The following PRKCB variants were observed in gnomAD, a reference collection of about 807,000 sequenced individuals.
PRKCB encodes protein kinase C beta type.
In PRKCB, 13 loss-of-function variants were observed where a neutral mutation model predicts 81.5. The observed-to-expected ratio is 0.16, with a 90% CI of 0.10 to 0.25. The LOEUF (loss-of-function observed/expected upper bound fraction) is 0.25, where lower values mean the gene tolerates loss of function less well. PRKCB is among the 10% of genes least tolerant of loss of function. The probability of loss-of-function intolerance (pLI) is 1.00; values close to 1 mark genes in which losing one functional copy is unlikely to be tolerated. For missense variants in PRKCB, 509 were observed against 875.7 expected (o/e 0.58, Z 5.29); for synonymous variants, 335 against 321.4 (o/e 1.04, Z -0.45).
At chr16:24,169,178 A>G (rs1967399027) in intron 10 of PRKCB, among the ~76,000 whole-genome samples, 1 of 152,102 alleles carries the variant, frequency 6.6e-6, no homozygotes, top group South Asian at 2.1e-4. Context: ...CAGAGCTTTG[A>G]TTCCAACCTT....
intron 5 of PRKCB, among the ~76,000 whole-genome samples, chr16:24,064,140 AAGAT>A (rs1966005581): frequency 6.6e-6 from 1 of 152,164 alleles, no homozygotes; most frequent in Admixed American, 6.5e-5. Context: ...GAGGAGGAGA[AAGAT>A]AGAATGGGAA....
At chr16:23,880,296 A>G (rs943299800) in intron 2 of PRKCB, among the ~76,000 whole-genome samples, 3 of 152,146 alleles carry the variant, frequency 2.0e-5, no homozygotes, top group South Asian at 2.1e-4. Context: ...AGTGGGGAAA[A>G]TGAGCTTTGA....
intron 5 of PRKCB, among the ~76,000 whole-genome samples, chr16:24,062,382 C>T (rs753451762): frequency 6.6e-6 from 1 of 152,228 alleles, no homozygotes; most frequent in Non-Finnish European, 1.5e-5. Flanking sequence ...GAGGGCATTT[C>T]AATCCAAGCC....
chr16:24,139,244 C>T (rs1293019463), intron 9 of PRKCB, among the ~76,000 whole-genome samples: 5 of 152,036 alleles, frequency 3.3e-5, no homozygotes, highest in Non-Finnish European at 7.4e-5. Flanking sequence ...TCAAAAGAAC[C>T]GTTCAGTTAC....
chr16:23,836,360 C>A lies in PRKCB; in HGVS notation c.173+12C>A, dbSNP rs745464092. 6.9e-6 allele frequency: 11 copies of A among 1,595,556 alleles called. No homozygotes were observed. The highest frequency in any genetic ancestry group is 8.5e-6 in the Non-Finnish European group (10 of 1,172,210). On this transcript the variant is annotated intron_variant, in intron 1 of 16. Coordinates refer to ENST00000643927, the MANE Select transcript of PRKCB (RefSeq NM_002738.7). ...ACCGACTTCATCTGGTGAGCGCGCG[C>A]GCGCAGGGCACCTTCCCGGGCCCCC...
At chr16:24,051,431 T>C (rs1045356520) in intron 5 of PRKCB, among the ~76,000 whole-genome samples, 1 of 152,030 alleles carries the variant, frequency 6.6e-6, no homozygotes, top group African/African-American at 2.4e-5. Flanking sequence ...ATGAAGGAGT[T>C]GGTTGGAGGT....
chr16:23,969,456 A>G (rs1964529000), intron 2 of PRKCB, among the ~76,000 whole-genome samples: 1 of 152,178 alleles, frequency 6.6e-6, no homozygotes, highest in Non-Finnish European at 1.5e-5. Flanking sequence ...ATTGGAGTCT[A>G]TTGAGAGCTG....
intron 10 of PRKCB, among the ~76,000 whole-genome samples, chr16:24,168,041 C>T (rs762153193): frequency 2.0e-5 from 3 of 152,208 alleles, no homozygotes; most frequent in African/African-American, 2.4e-5. Flanking sequence ...GGCACTCCCA[C>T]ATTTGATAAA....
intron 7 of PRKCB, among the ~76,000 whole-genome samples, chr16:24,112,658 T>G (rs572627931): frequency 1.3e-5 from 2 of 152,236 alleles, no homozygotes; most frequent in East Asian, 3.9e-4. Context: ...ATACAGTAAT[T>G]TAACGATATA....
rs1386602918 is a variant in PRKCB at position 23,899,854 on chromosome 16, T to G, written c.205+62448T>G. Among the ~76,000 whole-genome samples, 6 of 124,930 alleles carry G rather than the reference T, an allele frequency of 4.8e-5. 2 individuals are homozygous for G. The highest frequency in any genetic ancestry group is 1.4e-4 in the African/African-American group (5 of 35,096). The allele number at this position is 124,930 out of a possible 152,430, so 82.0% of individuals were successfully genotyped here. A position where few individuals can be genotyped will look rare whatever the true frequency, so the allele number is the denominator to read the frequency against. On this transcript the variant is annotated intron_variant, in intron 2 of 16. Transcript: ENST00000643927. ...ATTTATTTATTTATTTATTTATTTA[T>G]TTATTTATTTATTGTAGAGATAGGG... is the stretch of plus-strand genomic sequence containing the variant.
intron 2 of PRKCB, among the ~76,000 whole-genome samples, chr16:23,915,221 C>G (rs2141737914): frequency 6.6e-6 from 1 of 152,286 alleles, no homozygotes; most frequent in East Asian, 1.9e-4. Context: ...TTATTTTATG[C>G]TGAGGTTTAC....
At chr16:24,112,004 AG>A (rs1966681782) in intron 7 of PRKCB, among the ~76,000 whole-genome samples, 1 of 152,216 alleles carries the variant, frequency 6.6e-6, no homozygotes, top group African/African-American at 2.4e-5. Flanking sequence ...AGCCTGTCTA[AG>A]GTTATGAGAT....
chr16:23,902,768 T>A (rs1295429548), intron 2 of PRKCB, among the ~76,000 whole-genome samples: 1 of 62,936 alleles, frequency 1.6e-5, no homozygotes, highest in African/African-American at 7.6e-5. Context: ...CTTCCTTCCT[T>A]CCTTCCTTCC....
At chr16:24,148,217 T>C (rs1967023537) in intron 9 of PRKCB, among the ~76,000 whole-genome samples, 1 of 152,246 alleles carries the variant, frequency 6.6e-6, no homozygotes, top group African/African-American at 2.4e-5. Context: ...TTGCTAGTCC[T>C]ATTGATACTT....
intron 16 of PRKCB, among the ~76,000 whole-genome samples, chr16:24,207,659 C>T (rs1176155698): frequency 6.6e-6 from 1 of 152,122 alleles, no homozygotes; most frequent in East Asian, 1.9e-4. Flanking sequence ...CCTATTGGCC[C>T]ATAGTAGATT....
chr16:23,961,731 G>C (rs758458245), intron 2 of PRKCB, among the ~76,000 whole-genome samples: 4 of 151,796 alleles, frequency 2.6e-5, no homozygotes, highest in Non-Finnish European at 4.4e-5. Flanking sequence ...TGAACTATTT[G>C]CATTTTACTT....
chr16:24,035,657 A>G, intron 5 of PRKCB, 110 bp downstream of exon 5: 3 of 505,576 alleles, frequency 5.9e-6, no homozygotes, highest in South Asian at 2.6e-5. Context: ...GGGGCAGTCC[A>G]GGGACGGGGA....
chr16:24,030,582 C>T (rs1290798093), intron 3 of PRKCB, among the ~76,000 whole-genome samples: 1 of 151,898 alleles, frequency 6.6e-6, no homozygotes, highest in Non-Finnish European at 1.5e-5. Flanking sequence ...AACTGAAGCA[C>T]AAAAAGATCA....
chr16:23,930,877 T>C (rs1261809360), intron 2 of PRKCB, among the ~76,000 whole-genome samples: 1 of 150,312 alleles, frequency 6.7e-6, no homozygotes, highest in African/African-American at 2.4e-5. Flanking sequence ...GTAAATGCTA[T>C]TACTTTGTAA....
Sources: allele counts gnomAD v4.1 joint callset (sites outside exome capture counted in the v4.1 genomes callset), GRCh38; gene constraint gnomAD v4.1.1; transcripts MANE v1.5; gene names NCBI Gene and HGNC (gene_info 2026-07-23, HGNC 2026-07-21).